Variants in WDR7 observed in about 807,000 individuals in gnomAD.
WDR7 encodes the protein WD repeat domain 7, also known as WD repeat-containing protein 7.
WDR7 carries 46 observed loss-of-function variants against 169.4 expected under a neutral mutation model. That is an observed-to-expected ratio of 0.27 (90% CI 0.21 to 0.35). WDR7 has a LOEUF of 0.35. Ranked by LOEUF, WDR7 falls within the 10% of genes least tolerant of loss-of-function variation. The probability of loss-of-function intolerance (pLI) is 1.00; values close to 1 mark genes in which losing one functional copy is unlikely to be tolerated. For missense variants in WDR7, 1,534 were observed against 1,859.3 expected (o/e 0.83, Z 3.22); for synonymous variants, 612 against 666.8 (o/e 0.92, Z 1.27).
intron 21 of WDR7, among the ~76,000 whole-genome samples, chr18:56,909,718 G>A (rs982217044): frequency 6.6e-6 from 1 of 152,056 alleles, no homozygotes; most frequent in Non-Finnish European, 1.5e-5. Flanking sequence ...TTGGTTTACA[G>A]TATTCTTTCA....
intron 26 of WDR7, chr18:57,010,171 T>C (rs1036919995): frequency 5.3e-5 from 52 of 985,360 alleles, no homozygotes; most frequent in Admixed American, 6.1e-5. Context: ...ACTTCTAGCA[T>C]GTGTTCAAAT....
chr18:56,764,661 A>G (rs1290571138), intron 16 of WDR7, among the ~76,000 whole-genome samples: 1 of 152,090 alleles, frequency 6.6e-6, no homozygotes, highest in Non-Finnish European at 1.5e-5. Context: ...GACTTGTTTT[A>G]TGGCCCAAAA....
chr18:56,659,885 T>G (rs1221620435), intron 1 of WDR7, among the ~76,000 whole-genome samples: 4 of 152,104 alleles, frequency 2.6e-5, no homozygotes, highest in Admixed American at 6.5e-5. Flanking sequence ...TCACTCTATA[T>G]GCTGTGTTGA....
intron 1 of WDR7, among the ~76,000 whole-genome samples, chr18:56,667,377 AGTT>A (rs2025046801): frequency 6.6e-6 from 1 of 152,056 alleles, no homozygotes; most frequent in African/African-American, 2.4e-5. Context: ...ATCTGTCTTT[AGTT>A]GTTTCTCTGT....
intron 20 of WDR7, among the ~76,000 whole-genome samples, chr18:56,841,544 TA>T (rs760187510): frequency 6.0e-3 from 726 of 120,964 alleles, no homozygotes; most frequent in Middle Eastern, 8.8e-3. Flanking sequence ...AGACTCTGTC[TA>T]AAAAAAAAAA....
chr18:56,984,353 G>A (rs768596661), intron 26 of WDR7, among the ~76,000 whole-genome samples: 2 of 152,118 alleles, frequency 1.3e-5, no homozygotes, highest in Non-Finnish European at 2.9e-5. Context: ...TTGGCAAAAT[G>A]TCCTCAGAAC....
chr18:56,920,748 AGT>A (rs2046705969), intron 21 of WDR7, among the ~76,000 whole-genome samples: 1 of 152,222 alleles, frequency 6.6e-6, no homozygotes, highest in Non-Finnish European at 1.5e-5. Context: ...TACAGATTAA[AGT>A]ATACAACTTT....
At chr18:56,660,184 G>A (rs2024873797) in intron 1 of WDR7, among the ~76,000 whole-genome samples, 1 of 152,148 alleles carries the variant, frequency 6.6e-6, no homozygotes, top group Admixed American at 6.5e-5. Context: ...GACTGTGGGA[G>A]GGGCACCATT....
chr18:56,742,943 T>TTA (rs1568169346), intron 14 of WDR7, among the ~76,000 whole-genome samples: 3 of 151,714 alleles, frequency 2.0e-5, no homozygotes, highest in Non-Finnish European at 4.4e-5. Flanking sequence ...TTTCAAACTT[T>TTA]AAAAAAAATT....
chr18:56,951,134 A>G (rs1356937765), intron 25 of WDR7, among the ~76,000 whole-genome samples: 1 of 152,138 alleles, frequency 6.6e-6, no homozygotes, highest in Admixed American at 6.5e-5. Flanking sequence ...CTCCCTATGT[A>G]TAATAGCCTC....
At chr18:57,016,429 TC>T (rs1333396536) in intron 26 of WDR7, among the ~76,000 whole-genome samples, 2 of 151,998 alleles carry the variant, frequency 1.3e-5, no homozygotes, top group Non-Finnish European at 2.9e-5. Context: ...GATTTTGTGT[TC>T]CCCCTTAAAG....
intron 26 of WDR7, among the ~76,000 whole-genome samples, chr18:56,975,631 G>A (rs1053188075): frequency 5.9e-5 from 9 of 152,084 alleles, no homozygotes; most frequent in Admixed American, 5.9e-4. Flanking sequence ...TTCCATTTTT[G>A]ATAGTACCAT....
At chr18:56,691,090 T>C (rs1241607819) in intron 7 of WDR7, 126 bp from the exon 8 acceptor site, 9 of 1,339,888 alleles carry the variant, frequency 6.7e-6, no homozygotes, top group Non-Finnish European at 2.0e-6. Flanking sequence ...AAACTTTCTT[T>C]ATCTGATGCA....
At chr18:57,035,953 A>G in the WDR7 span, 1 of 152,216 alleles carries the variant, frequency 6.6e-6, no homozygotes, top group African/African-American at 2.4e-5. Context: ...TGTAAACCCA[A>G]ATGGCATGGT....
At chr18:56,935,940 A>C (rs776670701) in intron 23 of WDR7, 35 bp downstream of exon 23, 2 of 1,556,924 alleles carry the variant, frequency 1.3e-6, no homozygotes, top group East Asian at 4.5e-5. Context: ...CCATCTTCTC[A>C]TTTAGAGGAA....
At chr18:56,774,016 AACTT>A (rs1436144683) in intron 16 of WDR7, among the ~76,000 whole-genome samples, 1 of 152,072 alleles carries the variant, frequency 6.6e-6, no homozygotes, top group Non-Finnish European at 1.5e-5. Context: ...CTTTGAAAAA[AACTT>A]ACTTTTTTAA....
intron 20 of WDR7, among the ~76,000 whole-genome samples, chr18:56,872,066 T>A (rs146986840): frequency 6.6e-6 from 1 of 151,258 alleles, no homozygotes; most frequent in Non-Finnish European, 1.5e-5. Context: ...CCTAATGCAA[T>A]AATAAAGCCC....
intron 20 of WDR7, among the ~76,000 whole-genome samples, chr18:56,865,995 T>TATCATACAAGATATGAAGCCA (rs1324522134): frequency 6.6e-6 from 1 of 152,184 alleles, no homozygotes; most frequent in African/African-American, 2.4e-5. Context: ...GATTTGAAGA[T>TATCATACAAGATATGAAGCCA]ACATAATAGA....
chr18:56,777,727 C>T (rs1489814725), intron 17 of WDR7, among the ~76,000 whole-genome samples: 4 of 152,190 alleles, frequency 2.6e-5, no homozygotes, highest in African/African-American at 4.8e-5. Context: ...TGGAAGGAAT[C>T]TTGCAATCTG....
Sources: gnomAD v4.1 joint callset for allele counts (sites outside exome capture counted in the v4.1 genomes callset) on GRCh38, gnomAD v4.1.1 for gene constraint, MANE v1.5 for transcripts, NCBI Gene and HGNC (gene_info 2026-07-23, HGNC 2026-07-21) for gene names.